The following RALYL variants were observed in gnomAD, a reference collection of about 807,000 sequenced individuals.
RALYL encodes the protein RNA-binding Raly-like protein.
In RALYL, 29 loss-of-function variants were observed where a neutral mutation model predicts 35.1. That is an observed-to-expected ratio of 0.83 (90% CI 0.61 to 1.13). The LOEUF (loss-of-function observed/expected upper bound fraction) is 1.13, where lower values mean the gene tolerates loss of function less well. RALYL is among the 50% of genes most tolerant of loss of function. The pLI is 0.00. For synonymous variants in RALYL, 120 were observed against 127.6 expected (o/e 0.94, Z 0.40); for missense variants, 359 against 360.4 (o/e 1.00, Z 0.03).
At chr8:84,902,663 C>A (rs1194314045) in intron 8 of RALYL, among the ~76,000 whole-genome samples, 1 of 152,082 alleles carries the variant, frequency 6.6e-6, no homozygotes, top group African/African-American at 2.4e-5. Context: ...AAATCGTTTC[C>A]ATTTGCCCTT....
At chr8:84,515,773 A>T (rs2058013369) in intron 1 of RALYL, among the ~76,000 whole-genome samples, 1 of 152,150 alleles carries the variant, frequency 6.6e-6, no homozygotes, top group Admixed American at 6.6e-5. Context: ...GAAAAGAAAA[A>T]AATATTTTTC....
intron 1 of RALYL, among the ~76,000 whole-genome samples, chr8:84,363,387 G>T (rs989651915): frequency 6.6e-6 from 1 of 152,174 alleles, no homozygotes; most frequent in Non-Finnish European, 1.5e-5. Context: ...TGGCTGCTTT[G>T]TCACACCAAT....
At chr8:84,408,293 T>A (rs2043754297) in intron 1 of RALYL, among the ~76,000 whole-genome samples, 1 of 151,632 alleles carries the variant, frequency 6.6e-6, no homozygotes. Flanking sequence ...TTTTGATTCC[T>A]TGATTTCAAC....
intron 1 of RALYL, among the ~76,000 whole-genome samples, chr8:84,512,273 A>G (rs538058411): frequency 6.7e-4 from 102 of 151,696 alleles, no homozygotes; most frequent in Non-Finnish European, 1.3e-3. Flanking sequence ...ATTATATCTC[A>G]TTATGATTAT....
intron 1 of RALYL, among the ~76,000 whole-genome samples, chr8:84,418,519 G>A (rs114486594): frequency 0.034 from 5,101 of 152,034 alleles, 279 homozygotes; most frequent in African/African-American, 0.12. Flanking sequence ...TAGCCATGCT[G>A]TTTTATTTAC....
At chr8:84,749,429 G>T (rs1809423942) in intron 2 of RALYL, among the ~76,000 whole-genome samples, 2 of 152,026 alleles carry the variant, frequency 1.3e-5, no homozygotes, top group Admixed American at 1.3e-4. Context: ...CAAGTCACTT[G>T]GGAGCACCTA....
At position 84,782,854 on chromosome 8, in the gene RALYL, T is replaced by C. The variant is rs181336318; in HGVS notation, c.332+8200T>C. On this transcript the variant is annotated intron_variant, in intron 3 of 8. Transcript: ENST00000521268. ...TGCTTGCTTGTAAGTTGAAGTATCT[T>C]CATTGTCAGTGTTGATTTCATTTGT... Among the ~76,000 whole-genome samples the C allele has an allele frequency of 2.6e-5, 4 of 152,304 alleles. No homozygotes were observed. The East Asian group carries it at 7.7e-4, about 29-fold the overall frequency.
intron 4 of RALYL, among the ~76,000 whole-genome samples, chr8:84,817,451 C>A (rs1167330222): frequency 6.6e-6 from 1 of 151,890 alleles, no homozygotes; most frequent in South Asian, 2.1e-4. Flanking sequence ...CCTATTCTGT[C>A]ACTTCCTAGA....
intron 4 of RALYL, among the ~76,000 whole-genome samples, chr8:84,806,771 G>A (rs1824714098): frequency 6.6e-6 from 1 of 152,156 alleles, no homozygotes; most frequent in Non-Finnish European, 1.5e-5. Context: ...CCAAAAGTAT[G>A]TATGCTAAGG....
chr8:84,493,080 G>A (rs1382827454), intron 1 of RALYL, among the ~76,000 whole-genome samples: 1 of 151,922 alleles, frequency 6.6e-6, no homozygotes, highest in Non-Finnish European at 1.5e-5. Context: ...CCCCTGCCCT[G>A]CTGACAGGTC....
chr8:84,355,132 T>C (rs1851580884), intron 1 of RALYL, among the ~76,000 whole-genome samples: 1 of 150,404 alleles, frequency 6.6e-6, no homozygotes, highest in South Asian at 2.1e-4. Flanking sequence ...AATTTTACTC[T>C]AGGAAAGTTA....
intron 2 of RALYL, among the ~76,000 whole-genome samples, chr8:84,622,783 AAAC>A (rs751803375): frequency 2.0e-5 from 3 of 152,196 alleles, no homozygotes; most frequent in Non-Finnish European, 4.4e-5. Context: ...GAAATAAAGG[AAAC>A]AACAATACTG....
At chr8:84,372,784 T>C (rs76930466) in intron 1 of RALYL, among the ~76,000 whole-genome samples, 4,934 of 151,562 alleles carry the variant, frequency 0.033, 126 homozygotes, top group Middle Eastern at 0.054. Context: ...TTTTAGGTCT[T>C]TGAGGAATCA....
intron 2 of RALYL, among the ~76,000 whole-genome samples, chr8:84,761,486 A>AT (rs1812693607): frequency 6.6e-6 from 1 of 152,078 alleles, no homozygotes; most frequent in Non-Finnish European, 1.5e-5. Context: ...TGATAATTAC[A>AT]TTATCCAATG....
intron 1 of RALYL, among the ~76,000 whole-genome samples, chr8:84,467,449 A>G (rs1286455189): frequency 1.5e-4 from 20 of 130,764 alleles, no homozygotes; most frequent in African/African-American, 4.0e-4. Flanking sequence ...GTAGTTGAGC[A>G]GCTTTGAGTG....
intron 2 of RALYL, among the ~76,000 whole-genome samples, chr8:84,693,109 T>G (rs1055394564): frequency 1.3e-5 from 2 of 151,946 alleles, no homozygotes; most frequent in African/African-American, 4.8e-5. Flanking sequence ...AAAGCAACAA[T>G]AGAAAACTAA....
intron 1 of RALYL, among the ~76,000 whole-genome samples, chr8:84,411,789 TA>T (rs2044130750): frequency 6.6e-6 from 1 of 151,988 alleles, no homozygotes; most frequent in Admixed American, 6.6e-5. Context: ...AAAATCGTCA[TA>T]TGTCTTCTAA....
chr8:84,853,832 TG>T lies in RALYL; in HGVS notation c.413+3806del, dbSNP rs1221855032. Among the ~76,000 whole-genome samples the T allele has an allele frequency of 9.2e-5, 14 of 151,392 alleles. No homozygotes were observed. The East Asian group carries it at 2.1e-3, about 23-fold the overall frequency. ...ATAAGTTACGGTCTTCTTGCATTTG[TG>T]TTTTCTTTTTCTCTCTCTCTTTTAG... On this transcript the variant is annotated intron_variant, in intron 5 of 8. Coordinates refer to ENST00000521268, the MANE Select transcript of RALYL (RefSeq NM_173848.7).
At chr8:84,857,561 T>C (rs1262674529) in intron 5 of RALYL, among the ~76,000 whole-genome samples, 1 of 152,190 alleles carries the variant, frequency 6.6e-6, no homozygotes, top group Non-Finnish European at 1.5e-5. Context: ...TTGTTGACAG[T>C]AAAATATAAG....
Sources: allele counts gnomAD v4.1 joint callset (sites outside exome capture counted in the v4.1 genomes callset), GRCh38; gene constraint gnomAD v4.1.1; transcripts MANE v1.5; gene names NCBI Gene and HGNC (gene_info 2026-07-23, HGNC 2026-07-21).